The following GREB1L variants were observed in gnomAD, a reference collection of about 807,000 sequenced individuals.
The protein encoded by GREB1L is GREB1 like retinoic acid receptor coactivator.
A neutral mutation model predicts 200.8 loss-of-function variants in GREB1L; 17 were observed. The observed-to-expected ratio is 0.08, with a 90% CI of 0.06 to 0.13. The LOEUF (loss-of-function observed/expected upper bound fraction) is 0.13. Ranked by LOEUF, GREB1L falls within the 10% of genes least tolerant of loss-of-function variation. GREB1L has a pLI of 1.00. For missense variants in GREB1L, 1,657 were observed against 2,367.7 expected (o/e 0.70, Z 6.23); for synonymous variants, 789 against 893.0 (o/e 0.88, Z 2.08).
At chr18:21,470,523 A>G (rs1568037378) in intron 15 of GREB1L, among the ~76,000 whole-genome samples, 1 of 152,170 alleles carries the variant, frequency 6.6e-6, no homozygotes, top group Non-Finnish European at 1.5e-5. Flanking sequence ...TACATTTCCT[A>G]ACTACTGCTT....
At chr18:21,371,456 C>T (rs1329268440) in intron 2 of GREB1L, among the ~76,000 whole-genome samples, 2 of 148,426 alleles carry the variant, frequency 1.3e-5, no homozygotes, top group Non-Finnish European at 3.0e-5. Context: ...CAACGTGGCA[C>T]AATGATACAA....
intron 7 of GREB1L, among the ~76,000 whole-genome samples, chr18:21,420,942 C>G (rs2032095590): frequency 6.6e-6 from 1 of 152,090 alleles, no homozygotes; most frequent in Admixed American, 6.6e-5. Context: ...GTAATGAATT[C>G]TTGATACCCA....
intron 15 of GREB1L, among the ~76,000 whole-genome samples, chr18:21,458,012 A>G (rs2034853547): frequency 7.1e-6 from 1 of 141,402 alleles, no homozygotes; most frequent in South Asian, 2.2e-4. Context: ...CTTGTTGTAC[A>G]GGCTGGAGTG....
chr18:21,492,448 G>A (rs576953012), intron 19 of GREB1L, among the ~76,000 whole-genome samples: 36 of 152,306 alleles, frequency 2.4e-4, no homozygotes, highest in East Asian at 9.6e-4. Context: ...CTAAATGCAC[G>A]TGAGGCTGCT....
chr18:21,319,518 A>C (rs2038921168), intron 1 of GREB1L, among the ~76,000 whole-genome samples: 1 of 152,252 alleles, frequency 6.6e-6, no homozygotes, highest in African/African-American at 2.4e-5. Context: ...GAATTAGTGT[A>C]ATTAGCTGGA....
At chr18:21,457,970 T>TTG (rs2034848459) in intron 15 of GREB1L, among the ~76,000 whole-genome samples, 1 of 150,334 alleles carries the variant, frequency 6.7e-6, no homozygotes, top group Admixed American at 6.6e-5. Flanking sequence ...GACAGTTTTT[T>TTG]TTTTTTTTTT....
Position 21,485,571 on chromosome 18 carries a change from C to T in GREB1L, c.2557-49C>T, listed in dbSNP as rs148337234. On this transcript the variant is annotated intron_variant, in intron 17 of 32. Coordinates refer to ENST00000424526, the MANE Select transcript of GREB1L (RefSeq NM_001142966.3). ...AAACCCCACTTTCTGGAAAACAAGA[C>T]ACACTGTATCCTGTCCTCATTGGGT... is the stretch of plus-strand genomic sequence containing the variant. The T allele has an allele frequency of 2.8e-5, 41 of 1,483,064 alleles. 3 individuals are homozygous for T. In the Middle Eastern group the frequency reaches 1.3e-3, roughly 46 times the overall value. The allele number at this position is 1,483,064 out of a possible 1,614,324, so 91.9% of individuals were successfully genotyped here.
In GREB1L at chr18:21,454,356, T is replaced by C. The variant is rs1444930976; in HGVS notation, c.1985-10T>C. 12 of 1,542,488 alleles carry C rather than the reference T, an allele frequency of 7.8e-6. No individual in the cohort carries two copies. The South Asian group carries it at 1.4e-4, about 18-fold the overall frequency. ...TAACCTTGTTCTTATGACTTCTCTT[T>C]AAATTTTAGATTTAGATAATGAAAC... is the stretch of plus-strand genomic sequence containing the variant. On this transcript the variant is annotated splice_polypyrimidine_tract_variant and intron_variant, in intron 14 of 32. Coordinates refer to ENST00000424526, the MANE Select transcript of GREB1L (RefSeq NM_001142966.3).
chr18:21,454,487 C>G lies in GREB1L; in HGVS notation c.2106C>G (p.Ser702Arg), dbSNP rs756725646. 1 of 1,551,618 alleles carries G rather than the reference C, an allele frequency of 6.4e-7. No homozygotes were observed. The highest frequency in any genetic ancestry group is 1.2e-5 in the South Asian group (1 of 84,052). ...AGAGCCTGGACCTCGGTCACTTCAG[C>G]AAAGTAGACTTCATCATCATTGTTC... is the stretch of plus-strand genomic sequence containing the variant. ...GSQSLDLGHF[S>R]KVDFIIIVPR... The change falls in exon 15 of 33, where the codon AGC becomes AGG. Residue 702 changes from serine to arginine, a missense_variant. Ser to Arg is a moderately radical substitution (Grantham distance 110). Coordinates refer to ENST00000424526, the MANE Select transcript of GREB1L (RefSeq NM_001142966.3).
intron 1 of GREB1L, among the ~76,000 whole-genome samples, chr18:21,268,629 A>G (rs2144241648): frequency 7.6e-6 from 1 of 132,210 alleles, no homozygotes; most frequent in Non-Finnish European, 1.6e-5. Context: ...GCAGGGTTTC[A>G]TTCTCTTGCC....
chr18:21,505,221 A>C (rs2036965146), intron 23 of GREB1L, among the ~76,000 whole-genome samples, 191 bp from the exon 24 acceptor site: 1 of 152,232 alleles, frequency 6.6e-6, no homozygotes, highest in Non-Finnish European at 1.5e-5. Context: ...GCTGGGGGCC[A>C]GTGAGGGCAA....
At chr18:21,385,502 A>G (rs141092594) in intron 4 of GREB1L, among the ~76,000 whole-genome samples, 41 of 152,306 alleles carry the variant, frequency 2.7e-4, no homozygotes, top group African/African-American at 9.1e-4. Context: ...TCTAGCAATT[A>G]GTACTACTGC....
chr18:21,378,176 A>G lies in GREB1L; in HGVS notation c.-9-5334A>G, dbSNP rs990469202. ...GGGGGCTCTTTGAGATTTAGAGGAA[A>G]CGGAGGCTGGTGGATAATGCCAACA... On this transcript the variant is annotated intron_variant, in intron 2 of 32. Transcript: ENST00000424526. 2.6e-5 allele frequency among the ~76,000 whole-genome samples: 4 copies of G among 152,286 alleles called. No homozygotes were observed. In the South Asian group the frequency reaches 6.2e-4, roughly 24 times the overall value.
intron 2 of GREB1L, among the ~76,000 whole-genome samples, 154 bp from the exon 3 acceptor site, chr18:21,383,350 AACTTAC>A (rs958200486): frequency 3.9e-5 from 6 of 152,248 alleles, no homozygotes; most frequent in African/African-American, 1.4e-4. Context: ...GATAACAAGT[AACTTAC>A]ACAAGCTGTC....
At position 21,473,160 on chromosome 18, in the gene GREB1L, C is replaced by T. The variant is rs1434821638; in HGVS notation, c.2312C>T (p.Pro771Leu). The change falls in exon 16 of 33, where the codon CCG becomes CTG. Residue 771 changes from proline to leucine, a missense_variant. By Grantham distance (98) the Pro-to-Leu change is moderately conservative (BLOSUM62 -3). Around this residue, in one of 9 missense-constraint regions of GREB1L, gnomAD observed 239 missense variants for 421.8 expected, o/e 0.57. Transcript: ENST00000424526. ...TTTATGAGGAGAGTGAAACAGAACC[C>T]GTACACACTGTTTGTGCTAGTTCAT... ...EVFMRRVKQN[P>L]YTLFVLVHDN... is the part of the protein sequence containing the mutation. 2 of 1,549,174 alleles carry T rather than the reference C, an allele frequency of 1.3e-6. No individual in the cohort carries two copies. The highest frequency in any genetic ancestry group is 1.7e-6 in the Non-Finnish European group (2 of 1,145,748).
At chr18:21,362,496 T>C (rs1307667825) in intron 1 of GREB1L, among the ~76,000 whole-genome samples, 1 of 152,194 alleles carries the variant, frequency 6.6e-6, no homozygotes, top group Non-Finnish European at 1.5e-5. Flanking sequence ...CTTAGAAATA[T>C]TGTCAATGGA....
At chr18:21,443,420 T>C (rs1398250636) in intron 10 of GREB1L, among the ~76,000 whole-genome samples, 7 of 151,848 alleles carry the variant, frequency 4.6e-5, no homozygotes, top group African/African-American at 1.7e-4. Flanking sequence ...TTGGCCAGGC[T>C]GGTCTCAAAC....
At position 21,518,198 on chromosome 18, in the gene GREB1L, G is replaced by T; in HGVS notation, c.5436G>T (p.Val1812=). ...CCATCCATAACTTCAGGAGTCCTGT[G>T]CTGGCCATTGACTGCTACCTTAACA... The part of the protein sequence containing the change: ...PKAIHNFRSP[V]LAIDCYLNIG... Residue 1812 remains valine (V), a synonymous_variant, in exon 31 of 33, where the codon GTG becomes GTT. Transcript: ENST00000424526. 1 of 1,551,672 alleles carries T rather than the reference G, an allele frequency of 6.4e-7. No individual in the cohort carries two copies. Among genetic ancestry groups the T allele is most frequent in the Non-Finnish European group, 8.7e-7 (1 of 1,146,976 alleles).
intron 13 of GREB1L, 100 bp downstream of exon 13, chr18:21,451,251 G>T: frequency 1.6e-6 from 2 of 1,277,118 alleles, no homozygotes; most frequent in Non-Finnish European, 2.2e-6. Flanking sequence ...GCTCAAGCTT[G>T]CCAGCTGATC....
Sources: gnomAD v4.1 joint callset for allele counts (sites outside exome capture counted in the v4.1 genomes callset) on GRCh38, gnomAD v4.1.1 for gene constraint, gnomAD v4.1.1 regional missense constraint, MANE v1.5 for transcripts, NCBI Gene and HGNC (gene_info 2026-07-23, HGNC 2026-07-21) for gene names.